Variants in EDNRB observed in about 807,000 individuals in gnomAD.
EDNRB encodes Hirschsprung disease 2.
EDNRB carries 18 observed loss-of-function variants against 46.4 expected under a neutral mutation model. That is an observed-to-expected ratio of 0.39 (90% confidence interval 0.27 to 0.57). The LOEUF (loss-of-function observed/expected upper bound fraction) is 0.57, where lower values mean the gene tolerates loss of function less well. Among genes scored for constraint, EDNRB ranks in the 20% least tolerant of loss-of-function variants. The probability of loss-of-function intolerance (pLI) is 0.61; values close to 1 mark genes in which losing one functional copy is unlikely to be tolerated. For synonymous variants in EDNRB, 213 were observed against 204.9 expected, an observed-to-expected ratio of 1.04 and a Z score of -0.34; for missense variants, 434 against 537.5, an observed-to-expected ratio of 0.81 and a Z score of 1.90.
At chr13:77,941,668 A>G (rs1880750648) in intron 1 of EDNRB, among the ~76,000 whole-genome samples, 1 of 140,306 alleles carries the variant, frequency 7.1e-6, no homozygotes, top group African/African-American at 2.7e-5. Context: ...ATGGTTTAAC[A>G]CTTTTTCAAA....
At chr13:77,902,204 T>C (rs1303576896) in intron 3 of EDNRB, among the ~76,000 whole-genome samples, 1 of 151,986 alleles carries the variant, frequency 6.6e-6, no homozygotes, top group Non-Finnish European at 1.5e-5. Flanking sequence ...GGGTGACTTC[T>C]ATCTGAATAT....
intron 1 of EDNRB, among the ~76,000 whole-genome samples, chr13:77,973,386 A>AT (rs1881793629): frequency 2.0e-5 from 3 of 152,152 alleles, no homozygotes; most frequent in African/African-American, 7.2e-5. Flanking sequence ...ATAAGGTAAG[A>AT]TTTTATAGAC....
At chr13:77,946,569 GA>G (rs906173945) in intron 1 of EDNRB, among the ~76,000 whole-genome samples, 7 of 150,748 alleles carry the variant, frequency 4.6e-5, no homozygotes, top group African/African-American at 1.2e-4. Context: ...TATTATAAGA[GA>G]AAAAAAAACC....
At chr13:77,907,040 T>C (rs1035197962) in intron 1 of EDNRB, among the ~76,000 whole-genome samples, 3 of 152,002 alleles carry the variant, frequency 2.0e-5, no homozygotes, top group African/African-American at 7.2e-5. Context: ...TTTAAACCTA[T>C]AGCTATGTGT....
chr13:77,966,181 A>C (rs1881576230), intron 1 of EDNRB, among the ~76,000 whole-genome samples: 1 of 152,014 alleles, frequency 6.6e-6, no homozygotes, highest in South Asian at 2.1e-4. Context: ...GAGCCACAGC[A>C]CCCAGCCCCA....
chr13:77,912,914 A>G (rs1011305506), intron 1 of EDNRB, among the ~76,000 whole-genome samples: 2 of 152,130 alleles, frequency 1.3e-5, no homozygotes, highest in African/African-American at 4.8e-5. Flanking sequence ...TCTCCCAATG[A>G]TACCCTTACT....
chr13:77,911,374 T>C (rs1196079933), intron 1 of EDNRB, among the ~76,000 whole-genome samples: 1 of 152,062 alleles, frequency 6.6e-6, no homozygotes, highest in Non-Finnish European at 1.5e-5. Context: ...GATCAGAAAA[T>C]GTCTGATTAC....
intron 1 of EDNRB, among the ~76,000 whole-genome samples, chr13:77,955,469 T>C (rs1210102266): frequency 6.6e-6 from 1 of 152,234 alleles, no homozygotes; most frequent in Non-Finnish European, 1.5e-5. Flanking sequence ...AAGTATTTAG[T>C]TTGATGTAAT....
chr13:77,919,073 T>C (rs553200607), upstream of EDNRB: 6 of 504,146 alleles, frequency 1.2e-5, no homozygotes, highest in East Asian at 1.5e-4. Context: ...TACCCCGCGA[T>C]TGAACTCGAA....
chr13:77,936,126 A>G (rs1880555632), intron 1 of EDNRB, among the ~76,000 whole-genome samples: 1 of 152,148 alleles, frequency 6.6e-6, no homozygotes, highest in Non-Finnish European at 1.5e-5. Flanking sequence ...TAAGGGGTGC[A>G]TGATCAGTCG....
intron 1 of EDNRB, among the ~76,000 whole-genome samples, chr13:77,960,664 G>A (rs1452022806): frequency 3.3e-5 from 5 of 152,046 alleles, no homozygotes; most frequent in Non-Finnish European, 1.5e-5. Flanking sequence ...ATCATAATTG[G>A]CAGGATCAAA....
At chr13:77,909,429 T>C (rs1187222496) in intron 1 of EDNRB, among the ~76,000 whole-genome samples, 1 of 151,940 alleles carries the variant, frequency 6.6e-6, no homozygotes, top group Admixed American at 6.6e-5. Flanking sequence ...AAAAATCACA[T>C]ACTTGAGATA....
chr13:77,972,976 G>A (rs994069231), intron 1 of EDNRB, among the ~76,000 whole-genome samples: 1 of 152,000 alleles, frequency 6.6e-6, no homozygotes, highest in African/African-American at 2.4e-5. Context: ...AGGCTGGCTC[G>A]AGTTTTTCTT....
chr13:77,928,545 G>A (rs145889436), intron 1 of EDNRB, among the ~76,000 whole-genome samples: 3 of 152,152 alleles, frequency 2.0e-5, no homozygotes, highest in Non-Finnish European at 2.9e-5. Context: ...GTTTACCACT[G>A]GAGGGATCAA....
intron 1 of EDNRB, among the ~76,000 whole-genome samples, chr13:77,973,883 C>A (rs767964250): frequency 6.6e-6 from 1 of 151,480 alleles, no homozygotes; most frequent in South Asian, 2.1e-4. Context: ...TATTTCAGGA[C>A]AAGAATTTAC....
Position 77,901,181 on chromosome 13 carries a change from C to A in EDNRB, c.828G>T (p.Trp276Cys), listed in dbSNP as rs104894387. 8 of 1,610,812 alleles carry A rather than the reference C, an allele frequency of 5.0e-6. 1 individual carries two copies. Among genetic ancestry groups the A allele is most frequent in the Non-Finnish European group, 6.8e-6 (8 of 1,178,148 alleles). ...GCAAGCAGAAATAGAAACTGAATAGCCACCAATCTTTTGCTGTCTTGTAAA... is the reference window on the plus strand; with the variant it reads ...GCAAGCAGAAATAGAAACTGAATAGACACCAATCTTTTGCTGTCTTGTAAA... ...MQFYKTAKDW[W>C]LFSFYFCLPL... is the part of the protein sequence containing the mutation. Residue 276 changes from tryptophan (W) to cysteine (C), a missense_variant, in exon 4 of 7, where the codon TGG becomes TGT. Coordinates refer to ENST00000646607, the MANE Select transcript of EDNRB (RefSeq NM_001122659.3).
intron 1 of EDNRB, among the ~76,000 whole-genome samples, chr13:77,904,558 A>G (rs1879175260): frequency 6.6e-6 from 1 of 151,986 alleles, no homozygotes; most frequent in South Asian, 2.1e-4. Context: ...GAGCAAGAAG[A>G]CATAGTTATT....
intron 1 of EDNRB, among the ~76,000 whole-genome samples, chr13:77,908,206 C>T (rs976245974): frequency 7.2e-5 from 11 of 151,826 alleles, no homozygotes; most frequent in East Asian, 3.9e-4. Context: ...AGACTCTAAA[C>T]GCTCTTCCTT....
At chr13:77,933,347 C>T (rs1165383726) in intron 1 of EDNRB, among the ~76,000 whole-genome samples, 3 of 151,928 alleles carry the variant, frequency 2.0e-5, no homozygotes, top group Admixed American at 6.6e-5. Context: ...GGGGTGGGGC[C>T]GTTTTATAAG....
Sources: gnomAD v4.1 joint callset for allele counts (sites outside exome capture counted in the v4.1 genomes callset) on GRCh38, gnomAD v4.1.1 for gene constraint, MANE v1.5 for transcripts, NCBI Gene and HGNC (gene_info 2026-07-23, HGNC 2026-07-21) for gene names.